GGA3: variants seen among roughly 807,000 people sequenced by gnomAD.
GGA3 encodes golgi associated, gamma adaptin ear containing, ARF binding protein 3, also known as ADP-ribosylation factor-binding protein GGA3.
In GGA3, 57 loss-of-function variants were observed where a neutral mutation model predicts 77.5. The observed-to-expected ratio is 0.74, with a 90% CI of 0.59 to 0.92. GGA3 has a LOEUF of 0.92. Ranked by LOEUF, GGA3 falls within the 40% of genes least tolerant of loss-of-function variation. GGA3 has a pLI of 0.00. For synonymous variants in GGA3, 416 were observed against 383.7 expected, an observed-to-expected ratio of 1.08 and a Z score of -0.98; for missense variants, 970 against 914.9, an observed-to-expected ratio of 1.06 and a Z score of -0.78.
Position 75,261,577 on chromosome 17 carries a change from G to A in GGA3, c.11C>T (p.Ala4Val), listed in dbSNP as rs780422634. The A allele has an allele frequency of 1.7e-5, 26 of 1,553,464 alleles. 1 individual carries two copies. The highest frequency in any genetic ancestry group is 1.7e-4 in the South Asian group (14 of 83,678). MAE[A>V]EGESLESWLN... is the part of the protein sequence containing the mutation. ...CCAGGACTCCAGGCTTTCCCCTTCC[G>A]CCTCCGCCATATTGCAGCCGCCCGG... Residue 4 changes from alanine (A) to valine (V), a missense_variant, in exon 1 of 17, where the codon GCG (alanine) becomes GTG (valine). By Grantham distance (64) the Ala-to-Val change is moderately conservative. Transcript: ENST00000537686.
At chr17:75,260,443 C>CT (rs2077317563) in intron 1 of GGA3, among the ~76,000 whole-genome samples, 2 of 152,178 alleles carry the variant, frequency 1.3e-5, no homozygotes, top group Non-Finnish European at 2.9e-5. Flanking sequence ...ATAAAGAAGC[C>CT]TTATGACCTG....
intron 1 of GGA3, among the ~76,000 whole-genome samples, chr17:75,257,061 A>C (rs957509707): frequency 6.6e-6 from 1 of 151,980 alleles, no homozygotes; most frequent in African/African-American, 2.4e-5. Context: ...CTCCGTCTTC[A>C]AGAAAAGCAG....
In GGA3 at chr17:75,241,433, C is replaced by T. The variant is rs753326040; in HGVS notation, c.913G>A (p.Glu305Lys). 3.8e-5 allele frequency: 61 copies of T among 1,613,302 alleles called. No individual in the cohort carries two copies. The South Asian group carries it at 4.8e-4, about 13-fold the overall frequency. ...TCAGGCAGGGTTAAGGTAGCCACCT[C>T]GCCATTGATGACCTGCCCTTCAATA... ...TIIEGQVING[E>K]VATLTLPDSE... The change falls in exon 10 of 17, where the codon GAG becomes AAG. Residue 305 changes from glutamate (E) to lysine (K), a missense_variant. Physicochemically the swap from Glu to Lys is moderately conservative, Grantham distance 56 (BLOSUM62 1). Transcript: ENST00000537686.
intron 1 of GGA3, among the ~76,000 whole-genome samples, chr17:75,260,508 T>A (rs543589585): frequency 6.6e-6 from 1 of 152,348 alleles, no homozygotes; most frequent in East Asian, 1.9e-4. Flanking sequence ...TTTTGGGATA[T>A]GCTCCCCTTT....
In GGA3 at chr17:75,239,783, C is replaced by G; in HGVS notation, c.1583+6G>C. ...CAGCAACCCCACATCTCCTCCCACT[C>G]ATTACACTTTGGCCTCTTCTAGAAG... On this transcript the variant is annotated splice_donor_region_variant and intron_variant, in intron 13 of 16. Coordinates refer to ENST00000537686, the MANE Select transcript of GGA3 (RefSeq NM_138619.4). 1.2e-6 allele frequency: 2 copies of G among 1,613,378 alleles called. No individual in the cohort carries two copies. Among genetic ancestry groups the G allele is most frequent in the Non-Finnish European group, 1.7e-6 (2 of 1,179,864 alleles).
intron 7 of GGA3, 92 bp from the exon 8 acceptor site, chr17:75,242,565 C>A: frequency 6.8e-7 from 1 of 1,472,228 alleles, no homozygotes; most frequent in Non-Finnish European, 9.4e-7. Context: ...AACACAAGTA[C>A]AGACGCTCGG....
Position 75,241,532 on chromosome 17 carries a change from G to A in GGA3, c.830-16C>T, listed in dbSNP as rs775776331. ...AGGATGTCCCCTGGAGCAGGAAAGA[G>A]AGACTTCTCACTCCTGTTGTGACAG... is the stretch of plus-strand genomic sequence containing the variant. On this transcript the variant is annotated splice_polypyrimidine_tract_variant and intron_variant, in intron 9 of 16. Coordinates refer to ENST00000537686, the MANE Select transcript of GGA3 (RefSeq NM_138619.4). 1.3e-5 allele frequency: 21 copies of A among 1,606,194 alleles called. No individual in the cohort carries two copies. The highest frequency in any genetic ancestry group is 1.8e-5 in the Non-Finnish European group (21 of 1,172,806).
In GGA3 at chr17:75,239,834, A is replaced by C. The variant is rs2076469571; in HGVS notation, c.1538T>G (p.Leu513Arg). 1 of 1,613,868 alleles carries C rather than the reference A, an allele frequency of 6.2e-7. No homozygotes were observed. Among genetic ancestry groups the C allele is most frequent in the Admixed American group, 1.7e-5 (1 of 60,006 alleles). ...CTGATCGAGGGCATCCAGGTGGTGC[A>C]GCGCGCTGTTGCCCAACGCCAAGCC... Reference protein sequence around the residue: ...HHGLALGNSALHHLDALDQLL... With the variant: ...HHGLALGNSARHHLDALDQLL... The change falls in exon 13 of 17, where the codon CTG (leucine) becomes CGG (arginine). Residue 513 changes from leucine (L) to arginine (R), a missense_variant. Leu to Arg is a moderately radical substitution (Grantham distance 102). Transcript: ENST00000537686.
intron 5 of GGA3, 115 bp from the exon 6 acceptor site, chr17:75,243,281 G>C: frequency 1.8e-6 from 2 of 1,108,816 alleles, no homozygotes; most frequent in Non-Finnish European, 2.7e-6. Flanking sequence ...GCAGGGTGGA[G>C]GGCAGGCTGC....
intron 16 of GGA3, 49 bp downstream of exon 16, chr17:75,238,601 CTG>C (rs751304154): frequency 7.6e-7 from 1 of 1,319,090 alleles, no homozygotes; most frequent in East Asian, 2.3e-5. Context: ...ACGTCCTAAT[CTG>C]GGGCAGCTGG....
At chr17:75,257,948 A>T (rs1201243839) in intron 1 of GGA3, among the ~76,000 whole-genome samples, 2 of 152,230 alleles carry the variant, frequency 1.3e-5, no homozygotes, top group African/African-American at 2.4e-5. Context: ...CCACAAAAGA[A>T]GTAAAAATAG....
At chr17:75,238,789 A>G (rs987385998) in intron 15 of GGA3, 27 bp from the exon 16 acceptor site, 2 of 1,593,152 alleles carry the variant, frequency 1.3e-6, no homozygotes, top group African/African-American at 2.7e-5. Context: ...TCCTTTGAAG[A>G]GAACTGGTAG....
rs777802457 is a variant in GGA3, at chr17:75,239,039, T to C, written c.1825A>G (p.Ile609Val). ...VTAYDKNGFR[I>V]LFHFAKECPP... ...CACTCCTTGGCAAAGTGGAAGAGGA[T>C]GCGGAAGCCGTTTTTATCGTAGGCT... The change falls in exon 15 of 17, where the codon ATC becomes GTC. Residue 609 changes from isoleucine (I) to valine (V), a missense_variant. Ile to Val is a conservative substitution (Grantham distance 29, BLOSUM62 3). Coordinates refer to ENST00000537686, the MANE Select transcript of GGA3 (RefSeq NM_138619.4). The C allele has an allele frequency of 3.7e-6, 6 of 1,613,930 alleles. No individual in the cohort carries two copies. The East Asian group carries it at 1.1e-4, about 30-fold the overall frequency.
At chr17:75,239,235 CTG>C (rs1471544744) in intron 14 of GGA3, 138 bp downstream of exon 14, 8 of 968,224 alleles carry the variant, frequency 8.3e-6, no homozygotes, top group African/African-American at 6.6e-5. Context: ...GAGCTTAAGA[CTG>C]AGAATGCAGG....
At position 75,237,151 on chromosome 17, in the gene GGA3, C is replaced by T. The variant is rs1357448077; in HGVS notation, c.*1128G>A. ...CAGCAGCTAGAGTGGCTGGGACAAGCTGGCGGGGGCCAAGCACTGTTGAAG... is the reference window on the plus strand; with the variant it reads ...CAGCAGCTAGAGTGGCTGGGACAAGTTGGCGGGGGCCAAGCACTGTTGAAG... On this transcript the variant is annotated 3_prime_UTR_variant, in exon 17 of 17. Coordinates refer to ENST00000537686, the MANE Select transcript of GGA3 (RefSeq NM_138619.4). 2 of 398,606 alleles carry T rather than the reference C, an allele frequency of 5.0e-6. No individual in the cohort carries two copies. The highest frequency in any genetic ancestry group is 9.1e-6 in the Non-Finnish European group (2 of 219,158). The allele number at this position is 398,606 out of a possible 1,614,324, so 24.7% of individuals were successfully genotyped here.
chr17:75,240,983 C>T lies in GGA3; in HGVS notation c.1021G>A (p.Val341Met), dbSNP rs774122056. 1.1e-5 allele frequency: 17 copies of T among 1,613,950 alleles called. No homozygotes were observed. Among genetic ancestry groups the T allele is most frequent in the Admixed American group, 6.7e-5 (4 of 59,998 alleles). ...ELDTTNSLSS[V>M]LAPAPTPPSS... ...GGTGGAGTAGGTGCTGGGGCCAACACGGAGGACAAACTGTTGGTCGTGTCC... is the reference window on the plus strand; with the variant it reads ...GGTGGAGTAGGTGCTGGGGCCAACATGGAGGACAAACTGTTGGTCGTGTCC... Residue 341 changes from valine (V) to methionine (M), a missense_variant, in exon 11 of 17, where the codon GTG becomes ATG. Val to Met is a conservative substitution (Grantham distance 21). Transcript: ENST00000537686.
At chr17:75,248,824 A>T in intron 1 of GGA3, 1 of 884,870 alleles carries the variant, frequency 1.1e-6, no homozygotes, top group African/African-American at 2.1e-5. Flanking sequence ...AACAAAACAA[A>T]AAAAAAAAAA....
Position 75,239,036 on chromosome 17 carries a change from G to C in GGA3, c.1828C>G (p.Leu610Val). 1 of 1,614,052 alleles carries C rather than the reference G, an allele frequency of 6.2e-7. No homozygotes were observed. Among genetic ancestry groups the C allele is most frequent in the Non-Finnish European group, 8.5e-7 (1 of 1,180,010 alleles). The change falls in exon 15 of 17, where the codon CTC (leucine) becomes GTC (valine). Residue 610 changes from leucine (L) to valine (V), a missense_variant. Leu to Val is a conservative substitution (Grantham distance 32). Coordinates refer to ENST00000537686, the MANE Select transcript of GGA3 (RefSeq NM_138619.4). ...TAYDKNGFRI[L>V]FHFAKECPPG... ...GGACACTCCTTGGCAAAGTGGAAGA[G>C]GATGCGGAAGCCGTTTTTATCGTAG...
intron 1 of GGA3, among the ~76,000 whole-genome samples, chr17:75,251,849 T>TAA (rs2145570523): frequency 6.6e-6 from 1 of 151,428 alleles, no homozygotes; most frequent in East Asian, 1.9e-4. Context: ...ATGGCTTCAC[T>TAA]GTAGCCTCAA....
Sources: gnomAD v4.1 joint callset for allele counts (sites outside exome capture counted in the v4.1 genomes callset) on GRCh38, gnomAD v4.1.1 for gene constraint, MANE v1.5 for transcripts, NCBI Gene and HGNC (gene_info 2026-07-23, HGNC 2026-07-21) for gene names.